The following ERI3 variants were observed in gnomAD, a reference collection of about 807,000 sequenced individuals.
ERI3 encodes ERI1 exoribonuclease family member 3.
In ERI3, 18 loss-of-function variants were observed where a neutral mutation model predicts 44.4. The observed-to-expected ratio is 0.41, with a 90% confidence interval of 0.28 to 0.60. ERI3 has a LOEUF of 0.60. Ranked by LOEUF, ERI3 falls within the 20% of genes least tolerant of loss-of-function variation. The pLI is 0.36. For synonymous variants in ERI3, 183 were observed against 164.8 expected, an observed-to-expected ratio of 1.11 and a Z score of -0.84; for missense variants, 294 against 435.5, an observed-to-expected ratio of 0.68 and a Z score of 2.89.
chr1:44,229,126 A>T (rs902343258), intron 8 of ERI3, among the ~76,000 whole-genome samples: 1 of 152,196 alleles, frequency 6.6e-6, no homozygotes, highest in East Asian at 1.9e-4. Context: ...GAAGCTGAGG[A>T]ATTGTGCTGC....
intron 7 of ERI3, among the ~76,000 whole-genome samples, chr1:44,251,830 T>C (rs1356518024): frequency 6.6e-6 from 1 of 152,208 alleles, no homozygotes; most frequent in Non-Finnish European, 1.5e-5. Flanking sequence ...GCCTTGTGTC[T>C]ATCTCTTTAC....
At chr1:44,354,810 C>T (rs2154332805) in intron 1 of ERI3, 82 bp downstream of exon 1, 5 of 1,304,118 alleles carry the variant, frequency 3.8e-6, no homozygotes, top group Non-Finnish European at 4.9e-6. Context: ...CCCCAGGTTG[C>T]ATAAATTCTG....
At chr1:44,256,391 T>C (rs1644781084) in intron 7 of ERI3, among the ~76,000 whole-genome samples, 1 of 152,106 alleles carries the variant, frequency 6.6e-6, no homozygotes, top group South Asian at 2.1e-4. Flanking sequence ...CCCAACCCAT[T>C]CCTCGGGTCC....
chr1:44,308,461 C>T, intron 5 of ERI3, 60 bp from the exon 6 acceptor site: 1 of 1,311,104 alleles, frequency 7.6e-7, no homozygotes, highest in Non-Finnish European at 1.1e-6. Context: ...CTGTGAAGAG[C>T]CACAACAGCA....
At chr1:44,317,154 A>C (rs1646106313) in intron 4 of ERI3, among the ~76,000 whole-genome samples, 1 of 152,010 alleles carries the variant, frequency 6.6e-6, no homozygotes, top group Non-Finnish European at 1.5e-5. Context: ...GCACACACAC[A>C]CACACACACA....
intron 7 of ERI3, among the ~76,000 whole-genome samples, chr1:44,264,133 C>G (rs1467796818): frequency 1.3e-5 from 2 of 152,200 alleles, no homozygotes; most frequent in African/African-American, 2.4e-5. Flanking sequence ...AAAGCGAAAT[C>G]ATTTACTCTT....
intron 4 of ERI3, among the ~76,000 whole-genome samples, chr1:44,314,161 G>GC (rs943348522): frequency 9.4e-4 from 142 of 151,498 alleles, no homozygotes; most frequent in African/African-American, 3.3e-3. Context: ...GTTGGGGGGG[G>GC]GGAGATTAAA....
In ERI3 at chr1:44,354,553, G is replaced by A. The variant is rs1045341983; in HGVS notation, c.135+339C>T. The A allele has an allele frequency of 3.0e-6, 3 of 985,248 alleles. No homozygotes were observed. The South Asian group carries it at 1.4e-4, about 46-fold the overall frequency. The allele number at this position is 985,248 out of a possible 1,614,324, so 61.0% of individuals were successfully genotyped here. Reference sequence around the variant, plus strand: ...TACCACCGCTTCAGATTTACAAAGAGGTAAACTGCTAACCTGGTGTGTGGG... The same window carrying A: ...TACCACCGCTTCAGATTTACAAAGAAGTAAACTGCTAACCTGGTGTGTGGG... On this transcript the variant is annotated intron_variant, in intron 1 of 8. Coordinates refer to ENST00000372257, the MANE Select transcript of ERI3 (RefSeq NM_024066.3).
At chr1:44,338,248 T>C (rs2154331105) in intron 3 of ERI3, among the ~76,000 whole-genome samples, 1 of 152,364 alleles carries the variant, frequency 6.6e-6, no homozygotes, top group Middle Eastern at 3.4e-3. Context: ...TAATCATTTG[T>C]TATCCCTCAC....
chr1:44,319,618 G>A lies in ERI3; in HGVS notation c.606+10C>T. ...CAGCAGCCCCTGCTGCCCACTTCCA[G>A]GGCCCTTACCTCTGTACAGAATGGG... On this transcript the variant is annotated intron_variant, in intron 4 of 8. Coordinates refer to ENST00000372257, the MANE Select transcript of ERI3 (RefSeq NM_024066.3). 6.3e-7 allele frequency: 1 copy of A among 1,598,038 alleles called. No individual in the cohort carries two copies. Among genetic ancestry groups the A allele is most frequent in the Non-Finnish European group, 8.6e-7 (1 of 1,166,942 alleles).
chr1:44,353,891 C>T, intron 1 of ERI3: 2 of 985,346 alleles, frequency 2.0e-6, no homozygotes, highest in Non-Finnish European at 2.4e-6. Context: ...CCCCAACCCC[C>T]ACCTCCTGAG....
chr1:44,232,456 G>C (rs1644207698), intron 8 of ERI3, among the ~76,000 whole-genome samples: 1 of 152,204 alleles, frequency 6.6e-6, no homozygotes, highest in Non-Finnish European at 1.5e-5. Context: ...GCTTTACTAA[G>C]AAAGGCATTC....
intron 3 of ERI3, among the ~76,000 whole-genome samples, chr1:44,320,610 C>T (rs910730136): frequency 3.3e-5 from 5 of 151,690 alleles, no homozygotes; most frequent in African/African-American, 9.7e-5. Context: ...AGAGGGAAAG[C>T]GAGGAGAGAG....
chr1:44,315,703 T>G (rs769270012), intron 4 of ERI3, among the ~76,000 whole-genome samples: 57 of 152,342 alleles, frequency 3.7e-4, no homozygotes, highest in Non-Finnish European at 6.2e-4. Flanking sequence ...CTCAAGGATT[T>G]GCATTTAGCC....
At chr1:44,297,660 C>T (rs1268099064) in intron 6 of ERI3, among the ~76,000 whole-genome samples, 1 of 152,154 alleles carries the variant, frequency 6.6e-6, no homozygotes, top group Non-Finnish European at 1.5e-5. Context: ...CCTGTCTTTC[C>T]CAGTGCCTGG....
intron 6 of ERI3, among the ~76,000 whole-genome samples, chr1:44,303,324 T>C (rs1300381777): frequency 6.6e-6 from 1 of 152,256 alleles, no homozygotes; most frequent in Admixed American, 6.5e-5. Flanking sequence ...ATTCCTCCTC[T>C]AGTCTATTTG....
At chr1:44,297,417 C>T (rs1645633071) in intron 6 of ERI3, among the ~76,000 whole-genome samples, 1 of 151,980 alleles carries the variant, frequency 6.6e-6, no homozygotes, top group Admixed American at 6.6e-5. Context: ...TGTTCACAGC[C>T]TCTCATGTGC....
chr1:44,306,005 G>A lies in ERI3; in HGVS notation c.758+2305C>T, dbSNP rs899670517. Reference sequence around the variant, plus strand: ...GACGAGAGCCATCTGACGAGCCTCTGCCGAGGTTCCAGGAACACCGATTAG... The same window carrying A: ...GACGAGAGCCATCTGACGAGCCTCTACCGAGGTTCCAGGAACACCGATTAG... On this transcript the variant is annotated intron_variant, in intron 6 of 8. Transcript: ENST00000372257. Among the ~76,000 whole-genome samples the A allele has an allele frequency of 4.6e-5, 7 of 152,226 alleles. No individual in the cohort carries two copies. In the South Asian group the frequency reaches 6.2e-4, roughly 13 times the overall value.
chr1:44,300,049 T>G (rs1216947893), intron 6 of ERI3, among the ~76,000 whole-genome samples: 1 of 151,548 alleles, frequency 6.6e-6, no homozygotes, highest in African/African-American at 2.4e-5. Flanking sequence ...AAGGAGGAGG[T>G]GATAAGACTC....
Sources: allele counts gnomAD v4.1 joint callset (sites outside exome capture counted in the v4.1 genomes callset), GRCh38; gene constraint gnomAD v4.1.1; transcripts MANE v1.5; gene names NCBI Gene and HGNC (gene_info 2026-07-23, HGNC 2026-07-21).